The following ATG10 variants were observed in gnomAD, a reference collection of about 807,000 sequenced individuals.
ATG10 encodes the protein autophagy related 10.
In ATG10, 30 loss-of-function variants were observed where a neutral mutation model predicts 32.1. That is an observed-to-expected ratio of 0.94 (90% CI 0.70 to 1.27). ATG10 has a LOEUF of 1.27. Among genes scored for constraint, ATG10 ranks in the 50% most tolerant of loss-of-function variants. The pLI, the probability that ATG10 is intolerant of heterozygous loss-of-function variation, is 0.00. For synonymous variants in ATG10, 87 were observed against 91.5 expected (o/e 0.95, Z 0.28); for missense variants, 233 against 262.3 (o/e 0.89, Z 0.77).
At chr5:82,203,042 A>G (rs945095244) in intron 5 of ATG10, among the ~76,000 whole-genome samples, 1 of 152,144 alleles carries the variant, frequency 6.6e-6, no homozygotes, top group African/African-American at 2.4e-5. Flanking sequence ...AGCCTAGCCA[A>G]TGTGGCAAAA....
At chr5:82,180,923 A>G (rs191589038) in intron 5 of ATG10, among the ~76,000 whole-genome samples, 9 of 152,238 alleles carry the variant, frequency 5.9e-5, no homozygotes, top group African/African-American at 2.2e-4. Context: ...ATTTTGATAC[A>G]ATGTTGACAT....
intron 3 of ATG10, among the ~76,000 whole-genome samples, chr5:82,121,801 G>A (rs1018911230): frequency 6.6e-6 from 1 of 152,020 alleles, no homozygotes; most frequent in Admixed American, 6.6e-5. Context: ...CTTGCATCCC[G>A]GGGATAAAGC....
In ATG10 at chr5:82,251,864, A is replaced by G. The variant is rs1313389320; in HGVS notation, c.454-698A>G. On this transcript the variant is annotated intron_variant, in intron 5 of 7. Coordinates refer to ENST00000282185, the MANE Select transcript of ATG10 (RefSeq NM_031482.5). ...GACCTATATCTTATATCCAATTACTACCTTATAAAAGAAACAGAGTTACAT... is the reference window on the plus strand; with the variant it reads ...GACCTATATCTTATATCCAATTACTGCCTTATAAAAGAAACAGAGTTACAT... Among the ~76,000 whole-genome samples the G allele has an allele frequency of 1.3e-5, 2 of 152,116 alleles. 1 individual carries two copies. Among genetic ancestry groups the G allele is most frequent in the Non-Finnish European group, 2.9e-5 (2 of 68,028 alleles).
At chr5:82,008,540 AGAAG>A (rs1166733108) in intron 2 of ATG10, among the ~76,000 whole-genome samples, 1 of 152,106 alleles carries the variant, frequency 6.6e-6, no homozygotes, top group Non-Finnish European at 1.5e-5. Context: ...AAACTATCTG[AGAAG>A]GAAAGCTATA....
intron 3 of ATG10, among the ~76,000 whole-genome samples, chr5:82,112,312 A>G (rs993918928): frequency 2.0e-5 from 3 of 152,062 alleles, no homozygotes; most frequent in South Asian, 4.1e-4. Flanking sequence ...TTTTAAAAAG[A>G]TAATGTTTGT....
chr5:82,051,801 A>G (rs1431123055), intron 2 of ATG10, among the ~76,000 whole-genome samples: 1 of 152,128 alleles, frequency 6.6e-6, no homozygotes, highest in African/African-American at 2.4e-5. Context: ...CCTTGCCTAC[A>G]TTACTTACCT....
intron 2 of ATG10, 43 bp from the exon 3 acceptor site, chr5:82,058,452 A>G: frequency 7.2e-7 from 1 of 1,386,342 alleles, no homozygotes; most frequent in East Asian, 2.3e-5. Context: ...AATTCTTAAA[A>G]TAATTGGCAT....
In ATG10 at chr5:82,213,785, A is replaced by G. The variant is rs139616219; in HGVS notation, c.453+35198A>G. ...AATAAGTCCAGTGTTTAGCAGGTGG[A>G]TAAGTACTCCAGAATTCTCTGCCCT... On this transcript the variant is annotated intron_variant, in intron 5 of 7. Transcript: ENST00000282185. 3.2e-4 allele frequency among the ~76,000 whole-genome samples: 48 copies of G among 152,322 alleles called. 1 individual carries two copies. The highest frequency in any genetic ancestry group is 1.1e-3 in the African/African-American group (45 of 41,564).
intron 2 of ATG10, among the ~76,000 whole-genome samples, chr5:82,023,708 C>T (rs1485521239): frequency 6.6e-6 from 1 of 152,156 alleles, no homozygotes; most frequent in African/African-American, 2.4e-5. Flanking sequence ...TAATAAAACC[C>T]AGTTTTGCTC....
chr5:82,101,308 C>G (rs542415905), intron 3 of ATG10, among the ~76,000 whole-genome samples: 1 of 152,160 alleles, frequency 6.6e-6, no homozygotes, highest in Admixed American at 6.5e-5. Flanking sequence ...CAGACTCTTG[C>G]AATCACATCC....
chr5:82,072,118 A>G (rs906205600), intron 3 of ATG10, among the ~76,000 whole-genome samples: 3 of 152,156 alleles, frequency 2.0e-5, no homozygotes, highest in Admixed American at 6.6e-5. Context: ...GATGGATGGT[A>G]TTTGACTGTG....
At chr5:82,179,886 T>A (rs1744167808) in intron 5 of ATG10, among the ~76,000 whole-genome samples, 1 of 152,126 alleles carries the variant, frequency 6.6e-6, no homozygotes, top group Non-Finnish European at 1.5e-5. Context: ...TAGGTTTTAA[T>A]TGAGGACAAA....
At chr5:82,164,736 G>C (rs1419653696) in intron 4 of ATG10, among the ~76,000 whole-genome samples, 199 bp downstream of exon 4, 1 of 152,200 alleles carries the variant, frequency 6.6e-6, no homozygotes, top group Non-Finnish European at 1.5e-5. Flanking sequence ...TATCATCTCA[G>C]CCTTAAGTCT....
chr5:82,164,321 A>C, intron 3 of ATG10, 78 bp from the exon 4 acceptor site: 72 of 1,174,948 alleles, frequency 6.1e-5, no homozygotes, highest in Non-Finnish European at 8.0e-5. Flanking sequence ...GTGAGAAGAA[A>C]ATCTCCTCTT....
chr5:81,983,733 C>T (rs1009963778), intron 1 of ATG10, among the ~76,000 whole-genome samples: 1 of 150,126 alleles, frequency 6.7e-6, no homozygotes, highest in African/African-American at 2.5e-5. Context: ...GTAGGGGCTT[C>T]TCACTTCTCA....
intron 5 of ATG10, among the ~76,000 whole-genome samples, chr5:82,185,836 C>G (rs1463755218): frequency 1.3e-5 from 2 of 152,116 alleles, no homozygotes; most frequent in Non-Finnish European, 2.9e-5. Context: ...AAGTGAAGTT[C>G]CAGTGATTGG....
intron 3 of ATG10, among the ~76,000 whole-genome samples, chr5:82,071,820 A>G (rs555329380): frequency 1.3e-5 from 2 of 152,172 alleles, no homozygotes; most frequent in Non-Finnish European, 2.9e-5. Context: ...GTGCTAGGAT[A>G]TTAGCCAGGT....
chr5:81,989,988 T>C (rs558165953), intron 2 of ATG10, among the ~76,000 whole-genome samples: 50 of 152,342 alleles, frequency 3.3e-4, no homozygotes, highest in African/African-American at 1.2e-3. Flanking sequence ...AGTCACCTTA[T>C]TGAATTTCCG....
chr5:82,139,657 T>G (rs1766970620), intron 3 of ATG10, among the ~76,000 whole-genome samples: 1 of 144,680 alleles, frequency 6.9e-6, no homozygotes, highest in Non-Finnish European at 1.5e-5. Flanking sequence ...AGCCACCCCA[T>G]CTGGGAAGTG....
Sources: allele counts gnomAD v4.1 joint callset (sites outside exome capture counted in the v4.1 genomes callset), GRCh38; gene constraint gnomAD v4.1.1; transcripts MANE v1.5; gene names NCBI Gene and HGNC (gene_info 2026-07-23, HGNC 2026-07-21).